The following MEGF11 variants were observed in gnomAD, a reference collection of about 807,000 sequenced individuals.
MEGF11 encodes multiple EGF like domains 11.
MEGF11 carries 126 observed loss-of-function variants against 146.6 expected under a neutral mutation model. That is an observed-to-expected ratio of 0.86 (90% CI 0.74 to 1.00). The LOEUF (loss-of-function observed/expected upper bound fraction) is 1.00, where lower values mean the gene tolerates loss of function less well. MEGF11 is among the 50% of genes least tolerant of loss of function. The pLI is 0.00. For synonymous variants in MEGF11, 532 were observed against 583.4 expected (o/e 0.91, Z 1.27); for missense variants, 1,509 against 1,521.2 (o/e 0.99, Z 0.13).
In MEGF11 at chr15:65,898,954, T is replaced by G. The variant is rs764207820; in HGVS notation, c.3056-20A>C. 2 of 1,612,462 alleles carry G rather than the reference T, an allele frequency of 1.2e-6. No homozygotes were observed. Among genetic ancestry groups the G allele is most frequent in the Non-Finnish European group, 1.7e-6 (2 of 1,178,816 alleles). On this transcript the variant is annotated intron_variant, in intron 24 of 25. Transcript: ENST00000395614. ...TGTAATCTGCAAGGCAAGAGACATT[T>G]CTTAGGACAAGCAAGAATACAAGTC...
At chr15:66,130,598 AAG>A (rs533326936) in intron 1 of MEGF11, among the ~76,000 whole-genome samples, 8 of 152,034 alleles carry the variant, frequency 5.3e-5, no homozygotes, top group Admixed American at 2.0e-4. Flanking sequence ...CATGAAAAGA[AAG>A]AGAGAGAGGG....
intron 1 of MEGF11, among the ~76,000 whole-genome samples, chr15:66,222,535 C>T (rs75963374): frequency 0.026 from 3,914 of 152,232 alleles, 191 homozygotes; most frequent in African/African-American, 0.087. Context: ...GTTCGTCTCC[C>T]GCACAATTAA....
intron 5 of MEGF11, among the ~76,000 whole-genome samples, chr15:66,081,770 G>A (rs944643023): frequency 7.2e-5 from 11 of 152,200 alleles, no homozygotes; most frequent in African/African-American, 2.4e-4. Context: ...CAGCTTTCCT[G>A]TATGTTAAGG....
chr15:66,017,931 G>A (rs755150026), intron 5 of MEGF11, among the ~76,000 whole-genome samples: 3 of 152,212 alleles, frequency 2.0e-5, no homozygotes, highest in Non-Finnish European at 4.4e-5. Flanking sequence ...ACAAGAGAGG[G>A]TTTCAGGGAA....
At chr15:66,105,506 C>G (rs1259830621) in intron 4 of MEGF11, among the ~76,000 whole-genome samples, 3 of 152,228 alleles carry the variant, frequency 2.0e-5, no homozygotes, top group African/African-American at 7.2e-5. Context: ...CTCTTTCTAC[C>G]TGACACACTT....
At chr15:66,087,530 A>C (rs1271666016) in intron 5 of MEGF11, among the ~76,000 whole-genome samples, 1 of 152,242 alleles carries the variant, frequency 6.6e-6, no homozygotes, top group African/African-American at 2.4e-5. Flanking sequence ...AACCTTCAAA[A>C]CCATGTAAAT....
chr15:65,910,498 C>T (rs561295922), intron 21 of MEGF11, among the ~76,000 whole-genome samples: 44 of 152,284 alleles, frequency 2.9e-4, no homozygotes, highest in African/African-American at 1.0e-3. Context: ...ATCACAGCTG[C>T]CTGCCTCTGC....
At chr15:65,944,288 GCT>G (rs1399092888) in intron 10 of MEGF11, among the ~76,000 whole-genome samples, 1 of 152,182 alleles carries the variant, frequency 6.6e-6, no homozygotes, top group Non-Finnish European at 1.5e-5. Context: ...CTGTGGAAAG[GCT>G]CTGTCCCATA....
chr15:65,960,485 T>TTTGGAGCACTCTTCTC (rs1361862734), intron 9 of MEGF11, among the ~76,000 whole-genome samples: 1 of 152,204 alleles, frequency 6.6e-6, no homozygotes, highest in East Asian at 1.9e-4. Flanking sequence ...GCTAGATGGT[T>TTTGGAGCACTCTTCTC]TTGGAGCACT....
chr15:65,954,039 C>T (rs1198887202), intron 10 of MEGF11, among the ~76,000 whole-genome samples: 6 of 152,210 alleles, frequency 3.9e-5, no homozygotes, highest in Middle Eastern at 3.4e-3. Flanking sequence ...ATGGGGGATA[C>T]TCACATCCAA....
chr15:66,048,231 G>A (rs924661673), intron 5 of MEGF11, among the ~76,000 whole-genome samples: 2 of 152,150 alleles, frequency 1.3e-5, no homozygotes, highest in African/African-American at 4.8e-5. Context: ...CAGGCATGAG[G>A]CACCGCGCCC....
chr15:66,249,235 C>T (rs994283996), intron 1 of MEGF11, among the ~76,000 whole-genome samples: 18 of 152,242 alleles, frequency 1.2e-4, no homozygotes, highest in Admixed American at 9.8e-4. Context: ...GTTTCCCCCA[C>T]CCCTCCCAAT....
intron 5 of MEGF11, among the ~76,000 whole-genome samples, chr15:66,031,265 G>A (rs979722642): frequency 1.2e-4 from 18 of 152,158 alleles, no homozygotes; most frequent in African/African-American, 3.1e-4. Flanking sequence ...CGTGTTCCTC[G>A]ATGTTGGGTA....
intron 1 of MEGF11, among the ~76,000 whole-genome samples, chr15:66,230,123 C>T (rs1056062294): frequency 2.0e-5 from 3 of 152,178 alleles, no homozygotes; most frequent in African/African-American, 7.2e-5. Context: ...CATCTCATCC[C>T]TCCAGCTGCC....
intron 5 of MEGF11, among the ~76,000 whole-genome samples, chr15:65,986,139 G>T (rs374641020): frequency 6.6e-6 from 1 of 151,974 alleles, no homozygotes; most frequent in East Asian, 1.9e-4. Flanking sequence ...TTTTAGTAGA[G>T]ACAGGGTTTC....
At chr15:66,111,057 G>A (rs952406271) in intron 4 of MEGF11, among the ~76,000 whole-genome samples, 8 of 152,212 alleles carry the variant, frequency 5.3e-5, no homozygotes, top group South Asian at 2.1e-4. Context: ...ATTTAAAGTC[G>A]CACTCATCTG....
chr15:66,024,570 A>G (rs1224467976), intron 5 of MEGF11, among the ~76,000 whole-genome samples: 1 of 152,166 alleles, frequency 6.6e-6, no homozygotes, highest in Admixed American at 6.5e-5. Flanking sequence ...CTTTACATGC[A>G]TTATGTTGTG....
At chr15:66,160,349 C>T (rs1374410840) in intron 1 of MEGF11, among the ~76,000 whole-genome samples, 1 of 151,392 alleles carries the variant, frequency 6.6e-6, no homozygotes, top group African/African-American at 2.4e-5. Flanking sequence ...CATGAGGTAA[C>T]AAGCCAACAG....
chr15:66,017,499 A>G (rs1567203398), intron 5 of MEGF11, among the ~76,000 whole-genome samples: 1 of 152,140 alleles, frequency 6.6e-6, no homozygotes, highest in Non-Finnish European at 1.5e-5. Flanking sequence ...TCTAGCCACC[A>G]TGTTCCCTCC....
Sources: gnomAD v4.1 joint callset for allele counts (sites outside exome capture counted in the v4.1 genomes callset) on GRCh38, gnomAD v4.1.1 for gene constraint, MANE v1.5 for transcripts, NCBI Gene and HGNC (gene_info 2026-07-23, HGNC 2026-07-21) for gene names.